The following CAST variants were observed in gnomAD, a reference collection of about 807,000 sequenced individuals.
CAST encodes the protein MIR583 host.
A neutral mutation model predicts 119.6 loss-of-function variants in CAST; 76 were observed. That is an observed-to-expected ratio of 0.64 (90% CI 0.53 to 0.77). The LOEUF is 0.77. CAST is among the 30% of genes least tolerant of loss of function. The pLI is 0.00. For missense variants in CAST, 953 were observed against 946.5 expected (o/e 1.01, Z -0.09); for synonymous variants, 319 against 331.6 (o/e 0.96, Z 0.41).
At chr5:96,256,820 A>G in the CAST span, among the ~76,000 whole-genome samples, 1 of 152,144 alleles carries the variant, frequency 6.6e-6, no homozygotes, top group Non-Finnish European at 1.5e-5. Context: ...ATTTAATCTA[A>G]GCCTAATGTT....
intron 1 of CAST, among the ~76,000 whole-genome samples, chr5:96,538,809 T>C (rs1436075690): frequency 6.6e-6 from 1 of 151,774 alleles, no homozygotes; most frequent in East Asian, 1.9e-4. Context: ...TCATAAGACA[T>C]AGAAATATCA....
intron 3 of CAST, among the ~76,000 whole-genome samples, chr5:96,719,688 G>A (rs1757869915): frequency 6.6e-6 from 1 of 152,178 alleles, no homozygotes; most frequent in African/African-American, 2.4e-5. Flanking sequence ...TTCTTTAGAG[G>A]TATTTTGGTG....
At chr5:96,681,374 T>G (rs974121443) in intron 2 of CAST, among the ~76,000 whole-genome samples, 1 of 152,222 alleles carries the variant, frequency 6.6e-6, no homozygotes, top group African/African-American at 2.4e-5. Context: ...TGACTTACTT[T>G]TTAGGAAGCC....
chr5:96,355,189 C>A, the CAST span, among the ~76,000 whole-genome samples: 2 of 150,638 alleles, frequency 1.3e-5, no homozygotes, highest in Non-Finnish European at 3.0e-5. Flanking sequence ...TAGCCCCCCA[C>A]CCCCTGACAG....
chr5:96,376,502 G>A, the CAST span, among the ~76,000 whole-genome samples: 4 of 151,422 alleles, frequency 2.6e-5, no homozygotes, highest in Non-Finnish European at 4.4e-5. Context: ...GTGCAGTGGT[G>A]CAATCTCAGC....
intron 1 of CAST, among the ~76,000 whole-genome samples, chr5:96,570,270 A>G (rs1240478363): frequency 1.3e-5 from 2 of 152,240 alleles, no homozygotes; most frequent in Admixed American, 1.3e-4. Flanking sequence ...TTCAAGAGCA[A>G]TAAAAATAAT....
At chr5:96,079,945 C>A in the CAST span, among the ~76,000 whole-genome samples, 5 of 152,040 alleles carry the variant, frequency 3.3e-5, no homozygotes, top group Admixed American at 2.6e-4. Context: ...AACCCCACTG[C>A]CTGAAAAGCC....
chr5:96,175,015 A>G, the CAST span, among the ~76,000 whole-genome samples: 4 of 152,322 alleles, frequency 2.6e-5, no homozygotes, highest in African/African-American at 9.6e-5. Context: ...TTTCTAATAT[A>G]TATGAAAACA....
the CAST span, among the ~76,000 whole-genome samples, chr5:96,316,455 G>C: frequency 1.3e-5 from 2 of 152,176 alleles, no homozygotes; most frequent in African/African-American, 2.4e-5. Context: ...TAATCTAAGA[G>C]GCAGGGGAAC....
chr5:96,670,578 A>G (rs1233997702), intron 1 of CAST, among the ~76,000 whole-genome samples: 1 of 151,914 alleles, frequency 6.6e-6, no homozygotes, highest in East Asian at 1.9e-4. Flanking sequence ...GCTCGCTGCA[A>G]CCTCCACCTC....
At chr5:96,419,756 C>G in the CAST span, among the ~76,000 whole-genome samples, 3 of 151,828 alleles carry the variant, frequency 2.0e-5, no homozygotes, top group African/African-American at 7.3e-5. Flanking sequence ...AGGTAACTCC[C>G]TGAGTCAGGG....
chr5:96,170,155 G>C, the CAST span, among the ~76,000 whole-genome samples: 1 of 152,322 alleles, frequency 6.6e-6, no homozygotes, highest in East Asian at 1.9e-4. Flanking sequence ...TCGGTCTTCA[G>C]CCGCTAAGCC....
the CAST span, among the ~76,000 whole-genome samples, chr5:96,373,336 G>T: frequency 6.6e-6 from 1 of 152,180 alleles, no homozygotes; most frequent in East Asian, 1.9e-4. Context: ...AAGGTGCAGG[G>T]TAGGACATGA....
chr5:96,494,793 GA>G, the CAST span, among the ~76,000 whole-genome samples: 1 of 152,134 alleles, frequency 6.6e-6, no homozygotes, highest in Non-Finnish European at 1.5e-5. Flanking sequence ...AGGTGGATGG[GA>G]AACTGATGTA....
At chr5:96,179,530 T>G in the CAST span, among the ~76,000 whole-genome samples, 1 of 152,202 alleles carries the variant, frequency 6.6e-6, no homozygotes, top group East Asian at 1.9e-4. Flanking sequence ...TTTCATTGTT[T>G]CCAACTCAGC....
the CAST span, among the ~76,000 whole-genome samples, chr5:96,017,250 A>G: frequency 5.9e-5 from 9 of 152,304 alleles, no homozygotes; most frequent in South Asian, 1.9e-3. Context: ...GGAACATGTG[A>G]CTTACTATAG....
the CAST span, among the ~76,000 whole-genome samples, chr5:96,028,783 A>G: frequency 1.3e-5 from 2 of 152,106 alleles, no homozygotes; most frequent in African/African-American, 4.8e-5. Context: ...GTTAATGAAT[A>G]TTTCATTGGT....
chr5:96,490,344 A>ATGTG, the CAST span, among the ~76,000 whole-genome samples: 12 of 111,188 alleles, frequency 1.1e-4, no homozygotes, highest in Non-Finnish European at 1.9e-4. Context: ...TTGTGTGTAT[A>ATGTG]TGTGTGTGTC....
the CAST span, among the ~76,000 whole-genome samples, chr5:95,989,878 A>T: frequency 6.6e-6 from 1 of 152,176 alleles, no homozygotes; most frequent in African/African-American, 2.4e-5. Flanking sequence ...GTACCCTGCC[A>T]TGTCTGTTTG....
Sources: allele counts gnomAD v4.1 joint callset (sites outside exome capture counted in the v4.1 genomes callset), GRCh38; gene constraint gnomAD v4.1.1; transcripts MANE v1.5; gene names NCBI Gene and HGNC (gene_info 2026-07-23, HGNC 2026-07-21).